ATXN10: variants seen among roughly 807,000 people sequenced by gnomAD.
ATXN10 encodes ataxin 10.
In ATXN10, 28 loss-of-function variants were observed where a neutral mutation model predicts 52.9. That is an observed-to-expected ratio of 0.53 (90% CI 0.39 to 0.73). ATXN10 has a LOEUF of 0.73. Ranked by LOEUF, ATXN10 falls within the 30% of genes least tolerant of loss-of-function variation. The probability of loss-of-function intolerance (pLI) is 0.00; values close to 1 mark genes in which losing one functional copy is unlikely to be tolerated. For missense variants in ATXN10, 565 were observed against 577.0 expected (o/e 0.98, Z 0.21); for synonymous variants, 226 against 221.5 (o/e 1.02, Z -0.18).
At chr22:45,717,154 T>C (rs1024909499) in intron 5 of ATXN10, among the ~76,000 whole-genome samples, 2 of 152,186 alleles carry the variant, frequency 1.3e-5, no homozygotes, top group Non-Finnish European at 2.9e-5. Context: ...GCCTGTTTGA[T>C]CTTCTTGCCC....
At position 45,837,778 on chromosome 22, in the gene ATXN10, C is replaced by T. The variant is rs1294276248; in HGVS notation, c.1238-5213C>T. 5.3e-5 allele frequency among the ~76,000 whole-genome samples: 8 copies of T among 152,314 alleles called. No individual in the cohort carries two copies. The East Asian group carries it at 9.6e-4, about 18-fold the overall frequency. ...GCTGTGTGCCGTAGAACCTTGTTTA[C>T]GGATACGGACATTTGAATTTCAAAT... On this transcript the variant is annotated intron_variant, in intron 10 of 11. Coordinates refer to ENST00000252934, the MANE Select transcript of ATXN10 (RefSeq NM_013236.4). The surrounding 1 kb of genome is among the most constrained non-coding windows in gnomAD (Gnocchi z 5.8).
At position 45,827,246 on chromosome 22, in the gene ATXN10, A is replaced by G. The variant is rs79162181; in HGVS notation, c.1238-15745A>G. ...CAGTACAAAAAATAAAAAGAAGACA[A>G]TAATGTAAGAAATAAGTTATAAGAC... is the stretch of plus-strand genomic sequence containing the variant. On this transcript the variant is annotated intron_variant, in intron 10 of 11. Coordinates refer to ENST00000252934, the MANE Select transcript of ATXN10 (RefSeq NM_013236.4). Among the ~76,000 whole-genome samples the G allele has an allele frequency of 6.4e-3, 969 of 152,312 alleles. 7 individuals are homozygous for G. Among genetic ancestry groups the G allele is most frequent in the South Asian group, 0.015 (71 of 4,826 alleles).
chr22:45,751,700 T>C (rs376634394), intron 9 of ATXN10, among the ~76,000 whole-genome samples: 1 of 145,810 alleles, frequency 6.9e-6, no homozygotes, highest in Non-Finnish European at 1.5e-5. Flanking sequence ...AGAAAAGTGC[T>C]CTTATTTCAA....
At chr22:45,794,433 AATTCT>A (rs1180605548) in intron 9 of ATXN10, among the ~76,000 whole-genome samples, 1 of 146,600 alleles carries the variant, frequency 6.8e-6, no homozygotes, top group African/African-American at 2.5e-5. Flanking sequence ...TCTCCCTTTT[AATTCT>A]ATTCTTTCTT....
rs559553499 is a variant in ATXN10, at chr22:45,792,653, A to G, written c.1174-14306A>G. On this transcript the variant is annotated intron_variant, in intron 9 of 11. Coordinates refer to ENST00000252934, the MANE Select transcript of ATXN10 (RefSeq NM_013236.4). The stretch of plus-strand genomic sequence containing the variant: ...TGTGAGAAGTCACGGCAAGTTCCCT[A>G]AAGTCCCTGAGAAAGTCTTGGTAGG... The G allele has an allele frequency of 9.0e-5, 23 of 256,594 alleles. No individual in the cohort carries two copies. In the Middle Eastern group the frequency reaches 2.6e-3, roughly 29 times the overall value. 15.9% of individuals were successfully genotyped at this position (256,594 alleles called of 1,614,324 possible).
intron 9 of ATXN10, among the ~76,000 whole-genome samples, chr22:45,761,413 T>C (rs1220887895): frequency 6.6e-6 from 1 of 152,242 alleles, no homozygotes. Flanking sequence ...TGTAAACTTT[T>C]AGGGATGAAC....
rs894130857 is a variant in ATXN10, at chr22:45,766,808, A to G, written c.1173+26270A>G. 6.6e-6 allele frequency among the ~76,000 whole-genome samples: 1 copy of G among 152,238 alleles called. No homozygotes were observed. Among genetic ancestry groups the G allele is most frequent in the Non-Finnish European group, 1.5e-5 (1 of 68,040 alleles). ...ATATCCATAATACAAAGAGTTTCCA[A>G]AAATAAAGGAAAAAACCAATAGCCC... On this transcript the variant is annotated intron_variant, in intron 9 of 11. Coordinates refer to ENST00000252934, the MANE Select transcript of ATXN10 (RefSeq NM_013236.4). This position sits in a 1 kb window ranked among gnomAD's most constrained non-coding sequence, Gnocchi z 4.6.
chr22:45,707,807 A>G (rs1569030782), intron 5 of ATXN10, among the ~76,000 whole-genome samples: 1 of 152,158 alleles, frequency 6.6e-6, no homozygotes, highest in Non-Finnish European at 1.5e-5. Flanking sequence ...GAGGAACTCT[A>G]CATTTGGTAA....
intron 10 of ATXN10, among the ~76,000 whole-genome samples, chr22:45,838,015 C>T (rs972694277): frequency 6.6e-6 from 1 of 152,188 alleles, no homozygotes; most frequent in Non-Finnish European, 1.5e-5. Flanking sequence ...CTTTAAGTAG[C>T]ACTGATTTTG....
rs974261765 is a variant in ATXN10, at chr22:45,672,164, A to G, written c.101A>G (p.Lys34Arg). Residue 34 changes from lysine (K) to arginine (R), a missense_variant, in exon 1 of 12, where the codon AAA becomes AGA. By Grantham distance (26) the Lys-to-Arg change is conservative. Coordinates refer to ENST00000252934, the MANE Select transcript of ATXN10 (RefSeq NM_013236.4). Reference protein sequence around the residue: ...EALRALTALFKEQRNRETAPR... With the variant: ...EALRALTALFREQRNRETAPR... ...CTGCGCGCGCTCACGGCGCTCTTCA[A>G]AGAGCAGCGGAACCGGTAACGGGTC... 14 of 1,534,314 alleles carry G rather than the reference A, an allele frequency of 9.1e-6. No homozygotes were observed. Among genetic ancestry groups the G allele is most frequent in the Middle Eastern group, 1.9e-4 (1 of 5,200 alleles).
At position 45,769,865 on chromosome 22, in the gene ATXN10, A is replaced by G. The variant is rs1926715946; in HGVS notation, c.1173+29327A>G. Among the ~76,000 whole-genome samples, 1 of 152,236 alleles carries G rather than the reference A, an allele frequency of 6.6e-6. No homozygotes were observed. The highest frequency in any genetic ancestry group is 2.1e-4 in the South Asian group (1 of 4,834). On this transcript the variant is annotated intron_variant, in intron 9 of 11. Coordinates refer to ENST00000252934, the MANE Select transcript of ATXN10 (RefSeq NM_013236.4). This position sits in a 1 kb window ranked among gnomAD's most constrained non-coding sequence, Gnocchi z 4.2. The stretch of plus-strand genomic sequence containing the variant: ...TAAGAGTGTCAGGAAGTTAAAAAAT[A>G]TAAAAAATTTTCTGATGAAATGTAA...
At chr22:45,738,635 A>G (rs1348486405) in intron 7 of ATXN10, 96 bp from the exon 8 acceptor site, 4 of 1,088,112 alleles carry the variant, frequency 3.7e-6, no homozygotes, top group Admixed American at 2.0e-5. Flanking sequence ...GACTCTTTAA[A>G]TTTATTGAAA....
Position 45,833,824 on chromosome 22 carries a change from T to C in ATXN10, c.1238-9167T>C, listed in dbSNP as rs1382513224. 4.6e-5 allele frequency among the ~76,000 whole-genome samples: 7 copies of C among 152,182 alleles called. No homozygotes were observed. Among genetic ancestry groups the C allele is most frequent in the Admixed American group, 4.6e-4 (7 of 15,284 alleles). On this transcript the variant is annotated intron_variant, in intron 10 of 11. Coordinates refer to ENST00000252934, the MANE Select transcript of ATXN10 (RefSeq NM_013236.4). This position sits in a 1 kb window ranked among gnomAD's most constrained non-coding sequence, Gnocchi z 4.3. ...CTGCTCTGCCCTCCAGAGGTCTCTC[T>C]GGATGGACTGGTCGCGAGAGCACAC...
rs1923254119 is a variant in ATXN10 at position 45,688,871 on chromosome 22, A to G, written c.117-841A>G. On this transcript the variant is annotated intron_variant, in intron 1 of 11. Coordinates refer to ENST00000252934, the MANE Select transcript of ATXN10 (RefSeq NM_013236.4). The surrounding 1 kb of genome is among the most constrained non-coding windows in gnomAD (Gnocchi z 4.0). Reference sequence around the variant, plus strand: ...GATTTGCTGTTTCTTTAGGGGATTTATGGAATGAGGAAGTTGGCTTGCATT... The same window carrying G: ...GATTTGCTGTTTCTTTAGGGGATTTGTGGAATGAGGAAGTTGGCTTGCATT... 1.3e-5 allele frequency among the ~76,000 whole-genome samples: 2 copies of G among 152,184 alleles called. No homozygotes were observed. Among genetic ancestry groups the G allele is most frequent in the African/African-American group, 4.8e-5 (2 of 41,458 alleles).
In ATXN10 at chr22:45,740,433, C is replaced by T. The variant is rs771893293; in HGVS notation, c.1068C>T (p.Cys356=). Residue 356 remains cysteine, a synonymous_variant, in exon 9 of 12, where the codon TGC becomes TGT. Transcript: ENST00000252934. The part of the protein sequence containing the change: ...ETTNIFSNCG[C]VRAEGDISNV... Reference sequence around the variant, plus strand: ...CAAACATCTTCAGTAATTGTGGTTGCGTGAGAGCAGAAGGTGACATCTCCA... The same window carrying T: ...CAAACATCTTCAGTAATTGTGGTTGTGTGAGAGCAGAAGGTGACATCTCCA... 2.9e-5 allele frequency: 47 copies of T among 1,613,630 alleles called. No individual in the cohort carries two copies. In the South Asian group the frequency reaches 3.8e-4, roughly 13 times the overall value.
chr22:45,796,355 T>TG lies in ATXN10; in HGVS notation c.1174-10604_1174-10603insG, dbSNP rs566133634. On this transcript the variant is annotated intron_variant, in intron 9 of 11. Transcript: ENST00000252934. ...GTGTGTGCCCAGCAGGACATGGACCTTCATCAGTAATTCTAGTTTCGCCCT... is the reference window on the plus strand; with the variant it reads ...GTGTGTGCCCAGCAGGACATGGACCTGTCATCAGTAATTCTAGTTTCGCCCT... 1.4e-4 allele frequency among the ~76,000 whole-genome samples: 21 copies of TG among 152,338 alleles called. No homozygotes were observed. In the South Asian group the frequency reaches 4.1e-3, roughly 30 times the overall value.
chr22:45,682,639 T>C (rs1236359160), intron 1 of ATXN10, among the ~76,000 whole-genome samples: 1 of 152,202 alleles, frequency 6.6e-6, no homozygotes, highest in East Asian at 1.9e-4. Context: ...AATGCTAGAC[T>C]TGTTTATTCA....
rs1363751705 is a variant in ATXN10, at chr22:45,727,862, G to A, written c.729-1563G>A. Among the ~76,000 whole-genome samples, 2 of 151,720 alleles carry A rather than the reference G, an allele frequency of 1.3e-5. No individual in the cohort carries two copies. Among genetic ancestry groups the A allele is most frequent in the East Asian group, 1.9e-4 (1 of 5,170 alleles). On this transcript the variant is annotated intron_variant, in intron 6 of 11. Transcript: ENST00000252934. The surrounding 1 kb of genome is among the most constrained non-coding windows in gnomAD (Gnocchi z 4.6). ...TGACCTTCTTTGTCTTTTTTTTACTGTTGTTGCTTTAAAGTCTATTTTATC... is the reference window on the plus strand; with the variant it reads ...TGACCTTCTTTGTCTTTTTTTTACTATTGTTGCTTTAAAGTCTATTTTATC...
rs1926730527 is a variant in ATXN10 at position 45,770,285 on chromosome 22, A to C, written c.1173+29747A>C. On this transcript the variant is annotated intron_variant, in intron 9 of 11. Transcript: ENST00000252934. This position sits in a 1 kb window ranked among gnomAD's most constrained non-coding sequence, Gnocchi z 4.5. Reference sequence around the variant, plus strand: ...AAATGTGGGTTGCATCCCAATAACGAGATACGAAATGAATTCTTTGGTCAT... The same window carrying C: ...AAATGTGGGTTGCATCCCAATAACGCGATACGAAATGAATTCTTTGGTCAT... Among the ~76,000 whole-genome samples the C allele has an allele frequency of 6.6e-6, 1 of 152,184 alleles. No homozygotes were observed. Among genetic ancestry groups the C allele is most frequent in the East Asian group, 1.9e-4 (1 of 5,194 alleles).
Sources: allele counts gnomAD v4.1 joint callset (sites outside exome capture counted in the v4.1 genomes callset), GRCh38; gene constraint gnomAD v4.1.1; non-coding constraint Gnocchi (gnomAD v3.1); transcripts MANE v1.5; gene names NCBI Gene and HGNC (gene_info 2026-07-23, HGNC 2026-07-21).